PNPLA1: variants seen among roughly 807,000 people sequenced by gnomAD.
PNPLA1 encodes omega-hydroxyceramide transacylase.
Under a neutral mutation model 51.7 loss-of-function variants are expected in PNPLA1, and 36 were observed. The observed-to-expected ratio is 0.70, with a 90% confidence interval of 0.53 to 0.92. The LOEUF (loss-of-function observed/expected upper bound fraction) is 0.92, where lower values mean the gene tolerates loss of function less well. Among genes scored for constraint, PNPLA1 ranks in the 40% least tolerant of loss-of-function variants. The pLI is 0.00. For missense variants in PNPLA1, 658 were observed against 682.5 expected (o/e 0.96, Z 0.40); for synonymous variants, 293 against 280.1 (o/e 1.05, Z -0.46).
intron 8 of PNPLA1, among the ~76,000 whole-genome samples, chr6:36,308,970 C>A (rs1771325720): frequency 6.6e-6 from 1 of 152,134 alleles, no homozygotes; most frequent in Non-Finnish European, 1.5e-5. Context: ...ATGGAACAGA[C>A]CTGCACTGCT....
Position 36,312,459 on chromosome 6 carries a change from C to T in PNPLA1, c.*573C>T, listed in dbSNP as rs780230188. 4.6e-4 allele frequency among the ~76,000 whole-genome samples: 70 copies of T among 152,202 alleles called. No homozygotes were observed. Among genetic ancestry groups the T allele is most frequent in the Non-Finnish European group, 8.4e-4 (57 of 68,040 alleles). ...TTTCCATGCATTGGCTATAACAGGC[C>T]TGGCTACCTGCTGAGGGTTGCCCAA... On this transcript the variant is annotated 3_prime_UTR_variant, in exon 9 of 9. Transcript: ENST00000636260.
intron 1 of PNPLA1, among the ~76,000 whole-genome samples, chr6:36,273,987 T>C (rs1770012835): frequency 6.6e-6 from 1 of 152,162 alleles, no homozygotes; most frequent in African/African-American, 2.4e-5. Context: ...GGACTCACGC[T>C]GTCCGCTCAG....
intron 1 of PNPLA1, among the ~76,000 whole-genome samples, chr6:36,271,313 C>T (rs1404836065): frequency 6.6e-6 from 1 of 152,160 alleles, no homozygotes; most frequent in Non-Finnish European, 1.5e-5. Flanking sequence ...GAAACACTGT[C>T]CCGGACAGCA....
rs1304385889 is a variant in PNPLA1 at position 36,313,303 on chromosome 6, GC to G, written c.*1423del. ...TTTCCAGCCTGTCCAGAAAATAATT[GC>G]CCCCCTCCTCCCCAGAGAGCAGACA... On this transcript the variant is annotated 3_prime_UTR_variant, in exon 9 of 9. Transcript: ENST00000636260. 2.0e-4 allele frequency among the ~76,000 whole-genome samples: 30 copies of G among 152,062 alleles called. 1 individual carries two copies. Among genetic ancestry groups the G allele is most frequent in the Admixed American group, 1.6e-3 (24 of 15,262 alleles).
chr6:36,308,481 G>T (rs1771311261), intron 8 of PNPLA1: 1 of 152,158 alleles, frequency 6.6e-6, no homozygotes, highest in Admixed American at 6.6e-5. Context: ...GCTTCTTATA[G>T]CTTTTTGACT....
intron 6 of PNPLA1, among the ~76,000 whole-genome samples, chr6:36,303,368 C>T (rs1176647432): frequency 1.3e-5 from 2 of 152,220 alleles, no homozygotes; most frequent in Admixed American, 6.5e-5. Flanking sequence ...GCTGGGACTA[C>T]AGGCGTGAGC....
Position 36,307,701 on chromosome 6 carries a change from C to T in PNPLA1, c.1584C>T (p.Ser528=), listed in dbSNP as rs149210881. The change falls in exon 8 of 9, where the codon AGC becomes AGT. Residue 528 remains serine (S), a synonymous_variant. Transcript: ENST00000636260. ...GACATTCGGGATCCAAAAAACCAAG[C>T]AGCAAAGTGCAGTGAGCATGTCTAA... ...FPRHSGSKKP[S]SKVQSAPCPL... 1.4e-5 allele frequency: 22 copies of T among 1,613,898 alleles called. No individual in the cohort carries two copies. Among genetic ancestry groups the T allele is most frequent in the Non-Finnish European group, 1.9e-5 (22 of 1,179,896 alleles).
intron 1 of PNPLA1, among the ~76,000 whole-genome samples, chr6:36,248,060 T>C (rs1483023537): frequency 6.6e-6 from 1 of 152,148 alleles, no homozygotes; most frequent in East Asian, 1.9e-4. Context: ...TCTGCCACCG[T>C]GTACCATGCC....
chr6:36,264,049 T>C (rs532919205), intron 1 of PNPLA1, among the ~76,000 whole-genome samples: 19 of 152,288 alleles, frequency 1.2e-4, no homozygotes, highest in African/African-American at 4.1e-4. Context: ...TGACCGAACC[T>C]GGAGCTTCCC....
intron 1 of PNPLA1, among the ~76,000 whole-genome samples, chr6:36,285,877 G>A (rs1770471972): frequency 6.6e-6 from 1 of 152,140 alleles, no homozygotes. Context: ...CTTGACAGGA[G>A]AGGGAGTGTC....
rs1554136630 is a variant in PNPLA1 at position 36,282,192 on chromosome 6, A to AG, written c.206-9127dup. Among the ~76,000 whole-genome samples the AG allele has an allele frequency of 9.6e-4, 33 of 34,322 alleles. 1 individual carries two copies. The highest frequency in any genetic ancestry group is 9.8e-3 in the Middle Eastern group (1 of 102). 22.5% of individuals were successfully genotyped at this position (34,322 alleles called of 152,430 possible). On this transcript the variant is annotated intron_variant, in intron 1 of 8. Transcript: ENST00000636260. ...GAAAGAGACAGAGAGAAAGAAAGAA[A>AG]GAAGGAAGGAAGGAAGGAAGGGAAG...
In PNPLA1 at chr6:36,294,415, G is replaced by C. The variant is rs1350447423; in HGVS notation, c.714+16G>C. On this transcript the variant is annotated intron_variant, in intron 4 of 8. Transcript: ENST00000636260. The surrounding 1 kb of genome is among the most constrained non-coding windows in gnomAD (Gnocchi z 4.2). ...GGACCTGGTGGTGAGAGGCAGGAGG[G>C]GTCTGGGGAGTAGCAGAAGGTACCA... The C allele has an allele frequency of 6.2e-7, 1 of 1,609,646 alleles. No homozygotes were observed.
intron 7 of PNPLA1, among the ~76,000 whole-genome samples, 183 bp from the exon 8 acceptor site, chr6:36,307,404 T>G (rs1771271241): frequency 6.6e-6 from 1 of 152,186 alleles, no homozygotes; most frequent in Non-Finnish European, 1.5e-5. Context: ...CTCATGGGCA[T>G]GATGTTACTT....
Position 36,294,085 on chromosome 6 carries a change from T to C in PNPLA1, c.505-105T>C. ...GAGGGGTCTTCTGGATCTTCCTTGA[T>C]GGGCCCTTGAAGCTGGTGCCATATC... is the stretch of plus-strand genomic sequence containing the variant. On this transcript the variant is annotated intron_variant, in intron 3 of 8. Transcript: ENST00000636260. This position sits in a 1 kb window ranked among gnomAD's most constrained non-coding sequence, Gnocchi z 4.2. The C allele has an allele frequency of 1.5e-6, 2 of 1,318,170 alleles. No individual in the cohort carries two copies. The highest frequency in any genetic ancestry group is 2.5e-5 in the East Asian group (1 of 40,212). The allele number at this position is 1,318,170 out of a possible 1,614,324, so 81.7% of individuals were successfully genotyped here. A position where few individuals can be genotyped will look rare whatever the true frequency, so the allele number is the denominator to read the frequency against.
chr6:36,286,914 G>C (rs750484151), intron 1 of PNPLA1, among the ~76,000 whole-genome samples: 1 of 151,186 alleles, frequency 6.6e-6, no homozygotes. Flanking sequence ...TCAAACTCCC[G>C]GGCTCAAGCG....
At position 36,270,317 on chromosome 6, in the gene PNPLA1, C is replaced by T. The variant is rs2127324085; in HGVS notation, c.-143C>T. 4 of 830,828 alleles carry T rather than the reference C, an allele frequency of 4.8e-6. No homozygotes were observed. The South Asian group carries it at 6.7e-5, about 14-fold the overall frequency. The allele number at this position is 830,828 out of a possible 1,614,324, so 51.5% of individuals were successfully genotyped here. On this transcript the variant is annotated 5_prime_UTR_variant, in exon 1 of 9. Coordinates refer to ENST00000636260, the MANE Select transcript of PNPLA1 (RefSeq NM_001374623.1). The stretch of plus-strand genomic sequence containing the variant: ...CCTGAGCAGCCTGTGGTTGCTCCAG[C>T]CGGGTAGAGACAGCCACATTCCAAG...
chr6:36,293,069 C>T lies in PNPLA1; in HGVS notation c.447C>T (p.Tyr149=), dbSNP rs1770737868. The T allele has an allele frequency of 6.2e-7, 1 of 1,613,912 alleles. No homozygotes were observed. The highest frequency in any genetic ancestry group is 1.3e-5 in the African/African-American group (1 of 74,924). Residue 149 remains tyrosine (Y), a synonymous_variant, in exon 3 of 9, where the codon TAC becomes TAT. Coordinates refer to ENST00000636260, the MANE Select transcript of PNPLA1 (RefSeq NM_001374623.1). ...CTGTTCTCTCCGCACAGGCCCTATA[C>T]TGCAGCTGCTTCGTCCCGGTGTACT... is the stretch of plus-strand genomic sequence containing the variant. ...TSKEELIEAL[Y]CSCFVPVYCG...
chr6:36,291,433 G>C lies in PNPLA1; in HGVS notation c.319G>C (p.Val107Leu), dbSNP rs1488395690. The C allele has an allele frequency of 1.2e-6, 2 of 1,614,106 alleles. No homozygotes were observed. The highest frequency in any genetic ancestry group is 2.2e-5 in the East Asian group (1 of 44,860). Residue 107 changes from valine (V) to leucine (L), a missense_variant, in exon 2 of 9, where the codon GTC becomes CTC. Physicochemically the swap from Val to Leu is conservative, Grantham distance 32. Transcript: ENST00000636260. ...GATGATGAGGCAGTTTCTGTACCGGGTCCTGCCCGAGGACTCCTACAAGGT... is the reference window on the plus strand; with the variant it reads ...GATGATGAGGCAGTTTCTGTACCGGCTCCTGCCCGAGGACTCCTACAAGGT... Reference protein sequence around the residue: ...VQMMRQFLYRVLPEDSYKVTT... With the variant: ...VQMMRQFLYRLLPEDSYKVTT...
At chr6:36,249,058 T>C (rs1769368032) in intron 1 of PNPLA1, among the ~76,000 whole-genome samples, 1 of 152,138 alleles carries the variant, frequency 6.6e-6, no homozygotes, top group South Asian at 2.1e-4. Context: ...TGCTGCTTAG[T>C]TTTTGCTAGG....
Sources: gnomAD v4.1 joint callset for allele counts (sites outside exome capture counted in the v4.1 genomes callset) on GRCh38, gnomAD v4.1.1 for gene constraint, Gnocchi (gnomAD v3.1) non-coding constraint, MANE v1.5 for transcripts, NCBI Gene and HGNC (gene_info 2026-07-23, HGNC 2026-07-21) for gene names.